Variants in ANKIB1 observed in about 807,000 individuals in gnomAD.
ANKIB1 encodes the protein ankyrin repeat and IBR domain-containing protein 1.
In ANKIB1, 43 loss-of-function variants were observed where a neutral mutation model predicts 122.1. The ratio of observed to expected loss-of-function variants is 0.35; its 90% confidence interval spans 0.28 to 0.45. The LOEUF (loss-of-function observed/expected upper bound fraction) is 0.45. Among genes scored for constraint, ANKIB1 ranks in the 20% least tolerant of loss-of-function variants. ANKIB1 has a pLI of 1.00. For missense variants in ANKIB1, 992 were observed against 1,329.5 expected (o/e 0.75, Z 3.95); for synonymous variants, 390 against 442.0 (o/e 0.88, Z 1.48).
intron 1 of ANKIB1, among the ~76,000 whole-genome samples, chr7:92,293,449 C>T (rs1010135974): frequency 2.6e-5 from 4 of 152,142 alleles, no homozygotes; most frequent in Non-Finnish European, 5.9e-5. Context: ...CTCACCCTCC[C>T]GAATAACTGG....
intron 1 of ANKIB1, among the ~76,000 whole-genome samples, chr7:92,254,630 G>T (rs1314856490): frequency 1.3e-5 from 2 of 152,086 alleles, no homozygotes; most frequent in African/African-American, 2.4e-5. Flanking sequence ...TTGATTTTCA[G>T]TTCTGTGAAT....
chr7:92,367,794 A>T (rs1433857241), intron 10 of ANKIB1, among the ~76,000 whole-genome samples: 1 of 152,230 alleles, frequency 6.6e-6, no homozygotes, highest in African/African-American at 2.4e-5. Context: ...GTTAATTTAT[A>T]AATTTTTCAG....
Position 92,364,723 on chromosome 7 carries a change from A to G in ANKIB1, c.1486+2450A>G, listed in dbSNP as rs117834210. On this transcript the variant is annotated intron_variant, in intron 10 of 19. Coordinates refer to ENST00000265742, the MANE Select transcript of ANKIB1 (RefSeq NM_019004.2). ...AATTGTTTGAATTTATCCTCCTAATAGAATAAGCCATAAAGTGTGTTATTT... is the reference window on the plus strand; with the variant it reads ...AATTGTTTGAATTTATCCTCCTAATGGAATAAGCCATAAAGTGTGTTATTT... Among the ~76,000 whole-genome samples, 1,500 of 152,332 alleles carry G rather than the reference A, an allele frequency of 9.8e-3. 8 individuals carry two copies. Among genetic ancestry groups the G allele is most frequent in the Middle Eastern group, 0.027 (8 of 294 alleles).
At chr7:92,311,527 T>C (rs1167236002) in intron 3 of ANKIB1, among the ~76,000 whole-genome samples, 2 of 152,178 alleles carry the variant, frequency 1.3e-5, no homozygotes, top group Non-Finnish European at 2.9e-5. Context: ...TCTGTGGAAG[T>C]ATATCTTCTC....
intron 3 of ANKIB1, among the ~76,000 whole-genome samples, chr7:92,312,867 C>T (rs1802719292): frequency 6.6e-6 from 1 of 152,096 alleles, no homozygotes; most frequent in African/African-American, 2.4e-5. Context: ...AAATAATATA[C>T]TGTTCTTAGT....
Position 92,384,886 on chromosome 7 carries a change from G to A in ANKIB1, c.1618-1623G>A, listed in dbSNP as rs187864627. ...GCAACAAAAGCCAAAATAGAAACATGGGATCTGATTAAACTAAAGAGTTTC... is the reference window on the plus strand; with the variant it reads ...GCAACAAAAGCCAAAATAGAAACATAGGATCTGATTAAACTAAAGAGTTTC... On this transcript the variant is annotated intron_variant, in intron 11 of 19. Coordinates refer to ENST00000265742, the MANE Select transcript of ANKIB1 (RefSeq NM_019004.2). Among the ~76,000 whole-genome samples the A allele has an allele frequency of 3.0e-4, 45 of 152,262 alleles. No individual in the cohort carries two copies. The East Asian group carries it at 6.8e-3, about 23-fold the overall frequency.
chr7:92,280,121 G>A (rs956706825), intron 1 of ANKIB1, among the ~76,000 whole-genome samples: 2 of 152,144 alleles, frequency 1.3e-5, no homozygotes, highest in African/African-American at 2.4e-5. Context: ...GAAAGCAAGG[G>A]AGTTTTGTCC....
At chr7:92,386,176 A>G (rs1350872328) in intron 11 of ANKIB1, among the ~76,000 whole-genome samples, 3 of 152,210 alleles carry the variant, frequency 2.0e-5, no homozygotes, top group Non-Finnish European at 2.9e-5. Context: ...GTGGAGCTTT[A>G]TATACAAATG....
intron 6 of ANKIB1, among the ~76,000 whole-genome samples, chr7:92,344,433 G>A (rs2131977239): frequency 6.6e-6 from 1 of 152,030 alleles, no homozygotes; most frequent in African/African-American, 2.4e-5. Context: ...TTGAACTCCT[G>A]ACCTCAAGTG....
intron 3 of ANKIB1, among the ~76,000 whole-genome samples, chr7:92,318,679 C>G (rs1023730706): frequency 6.6e-6 from 1 of 152,142 alleles, no homozygotes; most frequent in African/African-American, 2.4e-5. Flanking sequence ...TAGCAGAAAC[C>G]TCATTACTAA....
intron 3 of ANKIB1, among the ~76,000 whole-genome samples, chr7:92,318,127 T>G (rs1303166431): frequency 6.6e-6 from 1 of 152,192 alleles, no homozygotes; most frequent in African/African-American, 2.4e-5. Flanking sequence ...TTTATGGGGT[T>G]GTTAATATTA....
At chr7:92,304,344 G>A (rs2045303252) in intron 2 of ANKIB1, among the ~76,000 whole-genome samples, 1 of 152,218 alleles carries the variant, frequency 6.6e-6, no homozygotes, top group Admixed American at 6.5e-5. Flanking sequence ...TAATACTTCA[G>A]AATAATACAC....
chr7:92,398,007 T>C, intron 19 of ANKIB1, 148 bp downstream of exon 19: 3 of 1,250,298 alleles, frequency 2.4e-6, no homozygotes, highest in Non-Finnish European at 3.3e-6. Flanking sequence ...AAGATATTCC[T>C]ATATTTTAGA....
rs1390176117 is a variant in ANKIB1 at position 92,246,471 on chromosome 7, G to A, written c.-139G>A. 7 of 518,194 alleles carry A rather than the reference G, an allele frequency of 1.4e-5. No homozygotes were observed. The highest frequency in any genetic ancestry group is 2.7e-5 in the Non-Finnish European group (7 of 259,788). The allele number at this position is 518,194 out of a possible 1,614,324, so 32.1% of individuals were successfully genotyped here. A position where few individuals can be genotyped will look rare whatever the true frequency, so the allele number is the denominator to read the frequency against. The stretch of plus-strand genomic sequence containing the variant: ...AGGCAGGGGCGGCGGAGGCGGAACT[G>A]CGGAGTTGCTGGGTCCACCGACCCT... On this transcript the variant is annotated 5_prime_UTR_variant, in exon 1 of 20. Transcript: ENST00000265742.
intron 3 of ANKIB1, among the ~76,000 whole-genome samples, chr7:92,309,087 T>C (rs1310555637): frequency 6.6e-6 from 1 of 152,216 alleles, no homozygotes; most frequent in Non-Finnish European, 1.5e-5. Context: ...AATTCTTTGA[T>C]TTCTAATATG....
intron 2 of ANKIB1, among the ~76,000 whole-genome samples, chr7:92,296,388 A>G (rs778227239): frequency 1.3e-5 from 2 of 151,980 alleles, no homozygotes; most frequent in Non-Finnish European, 2.9e-5. Flanking sequence ...ATAGCCAGCT[A>G]ATATTTTGTG....
chr7:92,256,612 G>C (rs1801451573), intron 1 of ANKIB1, among the ~76,000 whole-genome samples: 1 of 152,036 alleles, frequency 6.6e-6, no homozygotes, highest in African/African-American at 2.4e-5. Context: ...TATAAAATGA[G>C]GGCAAATAAG....
At chr7:92,347,893 G>T in intron 7 of ANKIB1, 1 of 339,030 alleles carries the variant, frequency 2.9e-6, no homozygotes, top group Non-Finnish European at 5.7e-6. Flanking sequence ...CTTAAAACAG[G>T]ATCTTGCATA....
intron 1 of ANKIB1, among the ~76,000 whole-genome samples, chr7:92,272,563 C>CTTTT (rs1801819811): frequency 1.3e-5 from 2 of 152,062 alleles, no homozygotes; most frequent in African/African-American, 4.8e-5. Flanking sequence ...GAATGAAAAG[C>CTTTT]CCTAGGATGA....
Sources: allele counts gnomAD v4.1 joint callset (sites outside exome capture counted in the v4.1 genomes callset), GRCh38; gene constraint gnomAD v4.1.1; transcripts MANE v1.5; gene names NCBI Gene and HGNC (gene_info 2026-07-23, HGNC 2026-07-21).